The following CACNA1B variants were observed in gnomAD, a reference collection of about 807,000 sequenced individuals.
CACNA1B encodes calcium voltage-gated channel subunit alpha1 B, also known as voltage-dependent N-type calcium channel subunit alpha-1B.
CACNA1B carries 70 observed loss-of-function variants against 247.2 expected under a neutral mutation model. That is an observed-to-expected ratio of 0.28 (90% CI 0.23 to 0.35). CACNA1B has a LOEUF of 0.35. CACNA1B is among the 10% of genes least tolerant of loss of function. CACNA1B has a pLI of 1.00. For synonymous variants in CACNA1B, 1,231 were observed against 1,294.4 expected, an observed-to-expected ratio of 0.95 and a Z score of 1.05; for missense variants, 2,367 against 3,197.4, an observed-to-expected ratio of 0.74 and a Z score of 6.26.
At chr9:138,049,614 G>A (rs147018722) in intron 24 of CACNA1B, among the ~76,000 whole-genome samples, 424 of 152,318 alleles carry the variant, frequency 2.8e-3, no homozygotes, top group African/African-American at 9.2e-3. Context: ...CCCTGGTGCG[G>A]CCGGTGGCTC....
chr9:137,966,085 G>C (rs946941491), intron 10 of CACNA1B, among the ~76,000 whole-genome samples: 1 of 152,128 alleles, frequency 6.6e-6, no homozygotes, highest in African/African-American at 2.4e-5. Flanking sequence ...AATGTCATTG[G>C]TTCTACTTTT....
At chr9:138,063,055 A>C (rs985894087) in intron 31 of CACNA1B, among the ~76,000 whole-genome samples, 2 of 152,264 alleles carry the variant, frequency 1.3e-5, no homozygotes, top group Non-Finnish European at 2.9e-5. Context: ...TGTAAGATTT[A>C]TCACCTGTGC....
intron 39 of CACNA1B, among the ~76,000 whole-genome samples, chr9:138,109,794 G>A (rs1233306045): frequency 6.6e-6 from 1 of 152,194 alleles, no homozygotes; most frequent in Non-Finnish European, 1.5e-5. Context: ...ACAAGGCCAG[G>A]CGTTGGTGGC....
At chr9:137,932,362 G>A (rs1460775517) in intron 6 of CACNA1B, among the ~76,000 whole-genome samples, 1 of 152,164 alleles carries the variant, frequency 6.6e-6, no homozygotes, top group Non-Finnish European at 1.5e-5. Flanking sequence ...AATTTTGGGA[G>A]CTAAATAACA....
At chr9:137,968,255 C>T (rs1295180004) in intron 10 of CACNA1B, among the ~76,000 whole-genome samples, 1 of 152,186 alleles carries the variant, frequency 6.6e-6, no homozygotes, top group African/African-American at 2.4e-5. Context: ...TGAATCTCCA[C>T]ATTCTCAGCA....
chr9:138,096,403 C>T, intron 36 of CACNA1B, 81 bp from the exon 37 acceptor site: 1 of 1,208,176 alleles, frequency 8.3e-7, no homozygotes, highest in Non-Finnish European at 1.2e-6. Context: ...GAGCTTCACA[C>T]ACACTGGAGA....
Position 138,057,955 on chromosome 9 carries a change from A to G in CACNA1B, c.4106+86A>G. The G allele has an allele frequency of 1.3e-6, 2 of 1,566,558 alleles. No individual in the cohort carries two copies. Among genetic ancestry groups the G allele is most frequent in the African/African-American group, 1.3e-5 (1 of 74,120 alleles). On this transcript the variant is annotated intron_variant, in intron 27 of 46. Transcript: ENST00000371372. This position sits in a 1 kb window ranked among gnomAD's most constrained non-coding sequence, Gnocchi z 4.0. Reference sequence around the variant, plus strand: ...CCTCCCTCTATCCCTGGGCTCAGGCATGGAAGCAGACCCACCCTTGTGGTG... The same window carrying G: ...CCTCCCTCTATCCCTGGGCTCAGGCGTGGAAGCAGACCCACCCTTGTGGTG...
chr9:137,951,468 C>T (rs1432400101), intron 6 of CACNA1B, among the ~76,000 whole-genome samples: 1 of 152,220 alleles, frequency 6.6e-6, no homozygotes, highest in Admixed American at 6.5e-5. Flanking sequence ...TGAACTGCCT[C>T]TGAAGAGAGG....
intron 32 of CACNA1B, among the ~76,000 whole-genome samples, chr9:138,071,506 T>C (rs940002403): frequency 1.3e-5 from 2 of 152,130 alleles, no homozygotes; most frequent in Non-Finnish European, 2.9e-5. Context: ...TGCTCGAACA[T>C]CTGTGGCTGC....
intron 3 of CACNA1B, among the ~76,000 whole-genome samples, chr9:137,883,336 G>GT (rs1394286039): frequency 2.0e-5 from 3 of 152,044 alleles, no homozygotes; most frequent in African/African-American, 7.2e-5. Context: ...CTCACCTGTG[G>GT]TGTCCACCTC....
At position 138,019,643 on chromosome 9, in the gene CACNA1B, C is replaced by T. The variant is rs186567368; in HGVS notation, c.2268-3368C>T. 7.8e-3 allele frequency among the ~76,000 whole-genome samples: 1,184 copies of T among 151,356 alleles called. 10 individuals are homozygous for T. The highest frequency in any genetic ancestry group is 0.011 in the Non-Finnish European group (751 of 68,030). On this transcript the variant is annotated intron_variant, in intron 18 of 46. Transcript: ENST00000371372. ...CCTAGTGGTGGTGAGGCCCCTGCCGCCCCCGCCCTGCCCAGTGCTTCCTTG... is the reference window on the plus strand; with the variant it reads ...CCTAGTGGTGGTGAGGCCCCTGCCGTCCCCGCCCTGCCCAGTGCTTCCTTG...
intron 39 of CACNA1B, among the ~76,000 whole-genome samples, chr9:138,108,963 A>G (rs956716590): frequency 2.6e-5 from 4 of 152,212 alleles, no homozygotes. Context: ...AACTGAATAT[A>G]TTTTAAAAGA....
chr9:138,032,671 T>A, intron 20 of CACNA1B: 3 of 454,126 alleles, frequency 6.6e-6, no homozygotes, highest in South Asian at 4.7e-5. Flanking sequence ...TGACAGTTCT[T>A]TTTTTTTCAG....
intron 3 of CACNA1B, among the ~76,000 whole-genome samples, chr9:137,906,645 T>G (rs559144247): frequency 2.0e-5 from 3 of 152,334 alleles, no homozygotes; most frequent in Non-Finnish European, 4.4e-5. Context: ...ATGTGATGTC[T>G]TATTTAACAT....
chr9:138,113,197 C>G (rs902805080), intron 40 of CACNA1B, among the ~76,000 whole-genome samples: 1 of 121,632 alleles, frequency 8.2e-6, no homozygotes, highest in Non-Finnish European at 1.7e-5. Context: ...GACGTGCACA[C>G]CTCCTTCTTT....
intron 3 of CACNA1B, among the ~76,000 whole-genome samples, chr9:137,886,761 A>C (rs1957020296): frequency 6.6e-6 from 1 of 152,056 alleles, no homozygotes; most frequent in African/African-American, 2.4e-5. Flanking sequence ...GGCGTGCCCC[A>C]GAGAGCAGTC....
In CACNA1B at chr9:137,882,556, C is replaced by T. The variant is rs1956939150; in HGVS notation, c.391-188C>T. 6.6e-6 allele frequency among the ~76,000 whole-genome samples: 1 copy of T among 152,168 alleles called. No individual in the cohort carries two copies. Among genetic ancestry groups the T allele is most frequent in the Admixed American group, 6.5e-5 (1 of 15,276 alleles). On this transcript the variant is annotated intron_variant, in intron 2 of 46. Transcript: ENST00000371372. The surrounding 1 kb of genome is among the most constrained non-coding windows in gnomAD (Gnocchi z 4.0). ...CCCATTAGGGGACATGTGCAGACAG[C>T]AAGCAGGCTCAGTGATGGGAATGGC...
intron 10 of CACNA1B, among the ~76,000 whole-genome samples, chr9:137,960,773 G>A (rs1354445976): frequency 1.3e-5 from 2 of 152,062 alleles, no homozygotes; most frequent in South Asian, 2.1e-4. Context: ...CTGGTGGTTT[G>A]CAGAGGGGTG....
chr9:138,121,635 G>C lies in CACNA1B; in HGVS notation c.6656G>C (p.Ser2219Thr). 6.2e-7 allele frequency: 1 copy of C among 1,612,950 alleles called. No homozygotes were observed. Among genetic ancestry groups the C allele is most frequent in the Non-Finnish European group, 8.5e-7 (1 of 1,179,346 alleles). ...SPIHFAGAQT[S>T]LPAFSPGRLS... ...ATCCACTTCGCCGGGGCTCAGACCA[G>C]CCTCCCTGCCTTCTCCCCAGGCCGG... The change falls in exon 47 of 47, where the codon AGC (serine) becomes ACC (threonine). Residue 2219 changes from serine to threonine, a missense_variant. By Grantham distance (58) the Ser-to-Thr change is moderately conservative. Transcript: ENST00000371372. This position sits in a 1 kb window ranked among gnomAD's most constrained non-coding sequence, Gnocchi z 6.8.
Sources: allele counts gnomAD v4.1 joint callset (sites outside exome capture counted in the v4.1 genomes callset), GRCh38; gene constraint gnomAD v4.1.1; non-coding constraint Gnocchi (gnomAD v3.1); transcripts MANE v1.5; gene names NCBI Gene and HGNC (gene_info 2026-07-23, HGNC 2026-07-21).